Variants in ENTREP2 observed in about 807,000 individuals in gnomAD.
ENTREP2 encodes the protein protein ENTREP2.
At chr15:29,155,420 T>G in the ENTREP2 span, among the ~76,000 whole-genome samples, 1 of 152,244 alleles carries the variant, frequency 6.6e-6, no homozygotes, top group African/African-American at 2.4e-5. Context: ...TGTTCCTGTG[T>G]GAGCACCAGG....
the ENTREP2 span, among the ~76,000 whole-genome samples, chr15:29,446,834 C>T: frequency 6.6e-6 from 1 of 152,226 alleles, no homozygotes; most frequent in Non-Finnish European, 1.5e-5. Flanking sequence ...TCCTCCATTC[C>T]TGACTTCCAG....
At chr15:29,356,448 G>GCTGGGTCGCTGGGACCACA in the ENTREP2 span, among the ~76,000 whole-genome samples, 1 of 150,356 alleles carries the variant, frequency 6.7e-6, no homozygotes, top group Non-Finnish European at 1.5e-5. Flanking sequence ...TGGGACCACA[G>GCTGGGTCGCTGGGACCACA]GCGACCACTA....
chr15:29,223,152 T>C, the ENTREP2 span, among the ~76,000 whole-genome samples: 1 of 152,230 alleles, frequency 6.6e-6, no homozygotes, highest in South Asian at 2.1e-4. Flanking sequence ...CTTTTAAAGT[T>C]TACTTTCTTT....
At chr15:29,570,730 G>C in the ENTREP2 span, 5 of 987,260 alleles carry the variant, frequency 5.1e-6, no homozygotes, top group East Asian at 3.3e-4. Flanking sequence ...GCATCGCGCC[G>C]GGCGCCCGCA....
the ENTREP2 span, among the ~76,000 whole-genome samples, chr15:29,630,164 G>A: frequency 2.6e-5 from 4 of 151,990 alleles, no homozygotes; most frequent in Admixed American, 1.3e-4. Flanking sequence ...GAGTAAATCT[G>A]ATGGCAACAA....
the ENTREP2 span, chr15:29,235,189 G>A: frequency 1.5e-6 from 1 of 668,270 alleles, no homozygotes; most frequent in Non-Finnish European, 2.7e-6. Context: ...TCTTTTCAAA[G>A]TGTCATAAAA....
chr15:29,441,788 T>C, the ENTREP2 span, among the ~76,000 whole-genome samples: 1,446 of 152,288 alleles, frequency 9.5e-3, 28 homozygotes, highest in African/African-American at 0.032. Context: ...TTGCTGGCAT[T>C]GTCATATGGT....
At chr15:29,333,547 G>A in the ENTREP2 span, among the ~76,000 whole-genome samples, 6 of 152,128 alleles carry the variant, frequency 3.9e-5, no homozygotes, top group South Asian at 2.1e-4. Context: ...CGTGGGCAGC[G>A]AGCTACACAC....
At chr15:29,237,035 A>C in the ENTREP2 span, among the ~76,000 whole-genome samples, 144 of 152,352 alleles carry the variant, frequency 9.5e-4, no homozygotes, top group African/African-American at 3.3e-3. Context: ...GCCATGGCCA[A>C]GTGATATTTG....
At chr15:29,532,857 A>C in the ENTREP2 span, among the ~76,000 whole-genome samples, 2 of 152,334 alleles carry the variant, frequency 1.3e-5, no homozygotes, top group East Asian at 3.9e-4. Context: ...TACAAATTTC[A>C]ATGGCATTTC....
At chr15:29,459,303 T>C in the ENTREP2 span, among the ~76,000 whole-genome samples, 2 of 152,208 alleles carry the variant, frequency 1.3e-5, no homozygotes, top group Non-Finnish European at 2.9e-5. Context: ...GCCCATGGCC[T>C]GTGGAGAAGT....
the ENTREP2 span, among the ~76,000 whole-genome samples, chr15:29,565,852 T>A: frequency 1.3e-5 from 2 of 151,554 alleles, no homozygotes; most frequent in African/African-American, 4.8e-5. Flanking sequence ...TCCCAGCTAC[T>A]CGGGAGGCTG....
chr15:29,587,171 G>GTGTGTGTGTA, the ENTREP2 span, among the ~76,000 whole-genome samples: 1 of 147,130 alleles, frequency 6.8e-6, no homozygotes, highest in Non-Finnish European at 1.5e-5. Flanking sequence ...GTGTGTGTGT[G>GTGTGTGTGTA]TGTGTGTGTG....
chr15:29,608,921 T>G, the ENTREP2 span, among the ~76,000 whole-genome samples: 1 of 152,146 alleles, frequency 6.6e-6, no homozygotes, highest in Non-Finnish European at 1.5e-5. Flanking sequence ...GAGAGGCAAC[T>G]CTTCAGCTCC....
chr15:29,302,985 C>G, the ENTREP2 span, among the ~76,000 whole-genome samples: 1 of 152,278 alleles, frequency 6.6e-6, no homozygotes, highest in East Asian at 1.9e-4. Context: ...GACCCCAGAC[C>G]TGACCAACTC....
the ENTREP2 span, among the ~76,000 whole-genome samples, chr15:29,263,001 G>A: frequency 6.6e-6 from 1 of 152,116 alleles, no homozygotes; most frequent in Non-Finnish European, 1.5e-5. Flanking sequence ...TGAGAGCAGA[G>A]GAAAAACGAA....
the ENTREP2 span, among the ~76,000 whole-genome samples, chr15:29,549,297 T>G: frequency 1.4e-5 from 2 of 145,928 alleles, no homozygotes; most frequent in East Asian, 2.0e-4. Flanking sequence ...TGAGACGGAG[T>G]CTCACTCTGT....
the ENTREP2 span, among the ~76,000 whole-genome samples, chr15:29,509,729 T>A: frequency 1.3e-5 from 2 of 152,180 alleles, no homozygotes; most frequent in East Asian, 3.9e-4. Context: ...GACCCCTTCC[T>A]TACATCTTAT....
chr15:29,493,745 G>GT, the ENTREP2 span, among the ~76,000 whole-genome samples: 2 of 152,132 alleles, frequency 1.3e-5, no homozygotes, highest in African/African-American at 4.8e-5. Flanking sequence ...GGAGGCTGAG[G>GT]TGGGCGAATC....
Sources: allele counts gnomAD v4.1 joint callset (sites outside exome capture counted in the v4.1 genomes callset), GRCh38; gene constraint gnomAD v4.1.1; transcripts MANE v1.5; gene names NCBI Gene and HGNC (gene_info 2026-07-23, HGNC 2026-07-21).